GIMAP8: variants seen among roughly 807,000 people sequenced by gnomAD.
GIMAP8 encodes GTPase IMAP family member 8.
A neutral mutation model predicts 35.6 loss-of-function variants in GIMAP8; 29 were observed. The ratio of observed to expected loss-of-function variants is 0.81; its 90% CI spans 0.61 to 1.11. GIMAP8 has a LOEUF of 1.11. Among genes scored for constraint, GIMAP8 ranks in the 50% most tolerant of loss-of-function variants. The pLI is 0.00. For synonymous variants in GIMAP8, 335 were observed against 308.7 expected, an observed-to-expected ratio of 1.09 and a Z score of -0.89; for missense variants, 811 against 805.0, an observed-to-expected ratio of 1.01 and a Z score of -0.09.
intron 2 of GIMAP8, among the ~76,000 whole-genome samples, chr7:150,468,165 G>A (rs565804680): frequency 3.3e-5 from 5 of 152,050 alleles, no homozygotes; most frequent in African/African-American, 1.2e-4. Flanking sequence ...CCACCACCTG[G>A]TCCAAGCCTA....
At chr7:150,477,010 TA>T in intron 4 of GIMAP8, 81 bp from the exon 5 acceptor site, 1 of 1,075,848 alleles carries the variant, frequency 9.3e-7, no homozygotes, top group Non-Finnish European at 1.4e-6. Flanking sequence ...TTTAGTGATG[TA>T]ATCTTGCTTC....
intron 1 of GIMAP8, among the ~76,000 whole-genome samples, chr7:150,464,534 A>G (rs763344509): frequency 2.6e-4 from 40 of 152,180 alleles, no homozygotes; most frequent in Middle Eastern, 6.8e-3. Flanking sequence ...ATTTTAAAAA[A>G]TTAGTTGGGC....
chr7:150,471,080 G>A (rs1390068751), intron 3 of GIMAP8, among the ~76,000 whole-genome samples: 3 of 152,182 alleles, frequency 2.0e-5, no homozygotes, highest in African/African-American at 4.8e-5. Context: ...TGGACCCAGC[G>A]AGGGTGTCCT....
intron 1 of GIMAP8, among the ~76,000 whole-genome samples, chr7:150,455,276 A>G (rs950760322): frequency 1.3e-5 from 2 of 152,262 alleles, no homozygotes; most frequent in Non-Finnish European, 2.9e-5. Context: ...AACAGGACTT[A>G]AAGAAATTGA....
At chr7:150,471,489 T>C (rs925744573) in intron 3 of GIMAP8, among the ~76,000 whole-genome samples, 3 of 152,208 alleles carry the variant, frequency 2.0e-5, no homozygotes, top group Admixed American at 1.3e-4. Context: ...AAGATCCTTT[T>C]CCTCATGGAA....
At chr7:150,465,118 G>C (rs1255526392) in intron 1 of GIMAP8, among the ~76,000 whole-genome samples, 1 of 152,210 alleles carries the variant, frequency 6.6e-6, no homozygotes, top group Admixed American at 6.5e-5. Context: ...AGCAGGCTTG[G>C]TGAGAACAGG....
intron 1 of GIMAP8, among the ~76,000 whole-genome samples, chr7:150,458,628 A>C (rs1801779498): frequency 6.6e-6 from 1 of 152,122 alleles, no homozygotes; most frequent in Non-Finnish European, 1.5e-5. Flanking sequence ...ATGACACTTA[A>C]TCTCCCAATT....
chr7:150,471,475 A>G (rs1802088805), intron 3 of GIMAP8, among the ~76,000 whole-genome samples: 3 of 152,262 alleles, frequency 2.0e-5, no homozygotes, highest in South Asian at 2.1e-4. Context: ...TGAATAAGAT[A>G]GACAAGATCC....
rs780301167 is a variant in GIMAP8 at position 150,474,076 on chromosome 7, A to G, written c.747A>G (p.Thr249=). ...PEQNPGTSEL[T]VLLVGKRGAG... Reference sequence around the variant, plus strand: ...AGAATCCGGGGACATCAGAACTGACAGTCCTCCTTGTGGGGAAACGCGGTG... The same window carrying G: ...AGAATCCGGGGACATCAGAACTGACGGTCCTCCTTGTGGGGAAACGCGGTG... The change falls in exon 4 of 5, where the codon ACA becomes ACG. Residue 249 remains threonine, a synonymous_variant. Coordinates refer to ENST00000307271, the MANE Select transcript of GIMAP8 (RefSeq NM_175571.4). 3.1e-6 allele frequency: 5 copies of G among 1,614,214 alleles called. No homozygotes were observed. In the Admixed American group the frequency reaches 8.3e-5, roughly 27 times the overall value.
intron 3 of GIMAP8, among the ~76,000 whole-genome samples, chr7:150,471,294 T>C (rs914374223): frequency 1.3e-5 from 2 of 152,246 alleles, no homozygotes; most frequent in African/African-American, 4.8e-5. Flanking sequence ...CCAGTAATGA[T>C]AGATCCTGCA....
Position 150,477,135 on chromosome 7 carries a change from G to A in GIMAP8, c.1353G>A (p.Lys451=), listed in dbSNP as rs565000585. The part of the protein sequence containing the change: ...IVLVGRSGTG[K]SATGNSILGS... ...TTGTGGGGAGAAGCGGGACTGGGAA[G>A]AGTGCGACCGGGAACTCTATCCTGG... is the stretch of plus-strand genomic sequence containing the variant. Residue 451 remains lysine, a synonymous_variant, in exon 5 of 5, where the codon AAG becomes AAA. Transcript: ENST00000307271. 2.2e-5 allele frequency: 36 copies of A among 1,612,318 alleles called. No homozygotes were observed. The South Asian group carries it at 3.4e-4, about 15-fold the overall frequency.
At chr7:150,457,783 T>C (rs4725901) in intron 1 of GIMAP8, among the ~76,000 whole-genome samples, 23,767 of 152,202 alleles carry the variant, frequency 0.16, 2,270 homozygotes, top group Non-Finnish European at 0.21. Flanking sequence ...CCCTGTCAGA[T>C]TGGCAAGATC....
chr7:150,454,740 G>T (rs537659222), intron 1 of GIMAP8, among the ~76,000 whole-genome samples: 36 of 152,310 alleles, frequency 2.4e-4, no homozygotes, highest in African/African-American at 8.4e-4. Flanking sequence ...CCACAATGCA[G>T]CATTTGAAAT....
Position 150,477,141 on chromosome 7 carries a change from G to A in GIMAP8, c.1359G>A (p.Ala453=), listed in dbSNP as rs376371559. 5.1e-5 allele frequency: 83 copies of A among 1,613,134 alleles called. No individual in the cohort carries two copies. Among genetic ancestry groups the A allele is most frequent in the Middle Eastern group, 1.6e-4 (1 of 6,078 alleles). The change falls in exon 5 of 5, where the codon GCG becomes GCA. Residue 453 remains alanine (A), a synonymous_variant. Coordinates refer to ENST00000307271, the MANE Select transcript of GIMAP8 (RefSeq NM_175571.4). ...LVGRSGTGKS[A]TGNSILGSLV... ...GGAGAAGCGGGACTGGGAAGAGTGC[G>A]ACCGGGAACTCTATCCTGGGGAGCC...
At chr7:150,463,012 T>C (rs948399045) in intron 1 of GIMAP8, among the ~76,000 whole-genome samples, 2 of 152,112 alleles carry the variant, frequency 1.3e-5, no homozygotes, top group African/African-American at 4.8e-5. Context: ...ATATGTCATA[T>C]AGGCTTTCTT....
At chr7:150,460,992 G>GTA in intron 1 of GIMAP8, among the ~76,000 whole-genome samples, 1 of 152,306 alleles carries the variant, frequency 6.6e-6, no homozygotes, top group South Asian at 2.1e-4. Flanking sequence ...CAATAGCAAG[G>GTA]CTTTGCTCCA....
At chr7:150,458,299 C>G (rs930645113) in intron 1 of GIMAP8, among the ~76,000 whole-genome samples, 1 of 152,128 alleles carries the variant, frequency 6.6e-6, no homozygotes, top group Admixed American at 6.5e-5. Flanking sequence ...TGCTGTAGAA[C>G]CAGGAAGAGC....
chr7:150,477,396 T>C lies in GIMAP8; in HGVS notation c.1614T>C (p.Thr538=). ...FVLVFQLGRF[T]EEDKTAVAKL... ...TGGTGTTCCAGCTGGGACGATTCAC[T>C]GAAGAGGACAAAACAGCTGTGGCGA... The change falls in exon 5 of 5, where the codon ACT becomes ACC. Residue 538 remains threonine (T), a synonymous_variant. Coordinates refer to ENST00000307271, the MANE Select transcript of GIMAP8 (RefSeq NM_175571.4). 1.2e-6 allele frequency: 2 copies of C among 1,614,186 alleles called. No homozygotes were observed. Among genetic ancestry groups the C allele is most frequent in the African/African-American group, 1.3e-5 (1 of 75,042 alleles).
Position 150,467,282 on chromosome 7 carries a change from C to G in GIMAP8, c.584C>G (p.Thr195Arg), listed in dbSNP as rs776873502. ...CGCAAGGTTGAGTCTTTGGTGAATA[C>G]GAACGGAGGACCCTATCATGTGAAC... ...LLRKVESLVN[T>R]NGGPYHVNFK... is the part of the protein sequence containing the mutation. Residue 195 changes from threonine (T) to arginine (R), a missense_variant, in exon 2 of 5, where the codon ACG (threonine) becomes AGG (arginine). Transcript: ENST00000307271. The G allele has an allele frequency of 1.9e-6, 3 of 1,613,970 alleles. No individual in the cohort carries two copies. The highest frequency in any genetic ancestry group is 2.2e-5 in the East Asian group (1 of 44,902).
Sources: gnomAD v4.1 joint callset for allele counts (sites outside exome capture counted in the v4.1 genomes callset) on GRCh38, gnomAD v4.1.1 for gene constraint, MANE v1.5 for transcripts, NCBI Gene and HGNC (gene_info 2026-07-23, HGNC 2026-07-21) for gene names.